Variants in SGSM2 observed in about 807,000 individuals in gnomAD.
The protein encoded by SGSM2 is small G protein signaling modulator 2.
SGSM2 carries 89 observed loss-of-function variants against 126.6 expected under a neutral mutation model. The ratio of observed to expected loss-of-function variants is 0.70; its 90% CI spans 0.59 to 0.84. SGSM2 has a LOEUF of 0.84. Ranked by LOEUF, SGSM2 falls within the 40% of genes least tolerant of loss-of-function variation. SGSM2 has a pLI of 0.00. For missense variants in SGSM2, 1,404 were observed against 1,416.6 expected (o/e 0.99, Z 0.14); for synonymous variants, 614 against 574.3 (o/e 1.07, Z -0.99).
chr17:2,380,346 GGAATCCCAGGGTGACTCTGTCGGGGAA>G lies in SGSM2; in HGVS notation c.*833_*859del. The G allele has an allele frequency of 6.6e-7, 1 of 1,517,272 alleles. No individual in the cohort carries two copies. The highest frequency in any genetic ancestry group is 8.8e-7 in the Non-Finnish European group (1 of 1,130,112). The allele number at this position is 1,517,272 out of a possible 1,614,324, so 94.0% of individuals were successfully genotyped here. ...AATGCGACCGGAGCACTTGCTCTGA[GGAATCCCAGGGTGACTCTGTCGGGGAA>G]GAATCCGGTCACAGCCTCCCCTCAG... On this transcript the variant is annotated 3_prime_UTR_variant, in exon 24 of 24. Transcript: ENST00000268989.
chr17:2,376,644 G>A (rs748769627), intron 19 of SGSM2, 89 bp from the exon 20 acceptor site: 230 of 1,384,954 alleles, frequency 1.7e-4, no homozygotes, highest in Middle Eastern at 5.6e-4. Context: ...ACTTCTGGGC[G>A]GCAGGTGGCT....
Position 2,372,292 on chromosome 17 carries a change from G to A in SGSM2, c.1642+38G>A, listed in dbSNP as rs1435282003. On this transcript the variant is annotated intron_variant, in intron 14 of 23. Transcript: ENST00000268989. This position sits in a 1 kb window ranked among gnomAD's most constrained non-coding sequence, Gnocchi z 6.0. The stretch of plus-strand genomic sequence containing the variant: ...CGCGCCGGGCTGTGGCGGGCTGGGG[G>A]CGGGCGGCCCTGGGTCCCAGCCTCC... The A allele has an allele frequency of 6.2e-6, 10 of 1,611,036 alleles. No individual in the cohort carries two copies. In the Admixed American group the frequency reaches 1.0e-4, roughly 16 times the overall value.
intron 17 of SGSM2, 44 bp downstream of exon 17, chr17:2,373,557 C>T: frequency 6.5e-7 from 1 of 1,547,324 alleles, no homozygotes; most frequent in Non-Finnish European, 8.7e-7. Flanking sequence ...TCGGGGGCCA[C>T]CCGCGTTTTA....
chr17:2,367,246 G>A lies in SGSM2; in HGVS notation c.1289-25G>A, dbSNP rs374175847. 5.0e-5 allele frequency: 80 copies of A among 1,604,570 alleles called. No homozygotes were observed. The African/African-American group carries it at 1.0e-3, about 20-fold the overall frequency. Reference sequence around the variant, plus strand: ...CCAGGGATGAGGGCCTCATGCCTCTGCCTCTCGCTGTTCTCTTTGAGCAGT... The same window carrying A: ...CCAGGGATGAGGGCCTCATGCCTCTACCTCTCGCTGTTCTCTTTGAGCAGT... On this transcript the variant is annotated intron_variant, in intron 11 of 23. Transcript: ENST00000268989. The surrounding 1 kb of genome is among the most constrained non-coding windows in gnomAD (Gnocchi z 4.0).
intron 11 of SGSM2, 23 bp downstream of exon 11, chr17:2,365,364 C>T (rs1330511505): frequency 1.3e-5 from 19 of 1,517,700 alleles, no homozygotes; most frequent in East Asian, 4.9e-5. Context: ...AGCTTCATCC[C>T]GGGGGAGGAG....
rs536747389 is a variant in SGSM2 at position 2,337,548 on chromosome 17, T to TGCG, written c.-121_-119dup. ...GCGGAGCCGAGCACCGGGCAGTGGC[T>TGCG]GCGGCGGCGGCGGCGGCGGCGGGCC... On this transcript the variant is annotated 5_prime_UTR_variant, in exon 1 of 24. Coordinates refer to ENST00000268989, the MANE Select transcript of SGSM2 (RefSeq NM_014853.3). This position sits in a 1 kb window ranked among gnomAD's most constrained non-coding sequence, Gnocchi z 5.1. The TGCG allele has an allele frequency of 2.2e-3, 628 of 286,694 alleles. 2 individuals carry two copies. The highest frequency in any genetic ancestry group is 0.011 in the African/African-American group (466 of 43,402). 17.8% of individuals were successfully genotyped at this position (286,694 alleles called of 1,614,324 possible).
chr17:2,353,592 G>A (rs2151520865), intron 2 of SGSM2, among the ~76,000 whole-genome samples: 1 of 152,110 alleles, frequency 6.6e-6, no homozygotes, highest in South Asian at 2.1e-4. Flanking sequence ...GTGAAACCCT[G>A]TCTCTACTAA....
At chr17:2,340,514 G>A (rs1271155999) in intron 1 of SGSM2, among the ~76,000 whole-genome samples, 1 of 152,116 alleles carries the variant, frequency 6.6e-6, no homozygotes, top group Non-Finnish European at 1.5e-5. Context: ...ATATGCCACA[G>A]CTACGTATCA....
intron 2 of SGSM2, among the ~76,000 whole-genome samples, chr17:2,350,202 G>A (rs886231469): frequency 1.3e-5 from 2 of 151,948 alleles, no homozygotes; most frequent in African/African-American, 2.4e-5. Context: ...GATTACAGGT[G>A]TGAGCCACTG....
intron 13 of SGSM2, chr17:2,371,683 G>A: frequency 2.1e-6 from 1 of 471,676 alleles, no homozygotes. Context: ...CAGAATGAGA[G>A]AGAACCCAAG....
At position 2,372,038 on chromosome 17, in the gene SGSM2, G is replaced by A; in HGVS notation, c.1578-152G>A. The A allele has an allele frequency of 2.3e-6, 2 of 875,008 alleles. No individual in the cohort carries two copies. Among genetic ancestry groups the A allele is most frequent in the Non-Finnish European group, 3.6e-6 (2 of 556,796 alleles). 54.2% of individuals were successfully genotyped at this position (875,008 alleles called of 1,614,324 possible). ...TGTCCAGGTGGCAGGCAGGGACAGG[G>A]CACCCACTGACGGCTGCTGGGCTGC... On this transcript the variant is annotated intron_variant, in intron 13 of 23. Transcript: ENST00000268989. This position sits in a 1 kb window ranked among gnomAD's most constrained non-coding sequence, Gnocchi z 6.0.
chr17:2,370,228 C>T (rs1320566265), intron 12 of SGSM2, among the ~76,000 whole-genome samples: 1 of 152,244 alleles, frequency 6.6e-6, no homozygotes, highest in Non-Finnish European at 1.5e-5. Context: ...TCTCCACTCT[C>T]TCCCTCCCTC....
At chr17:2,379,314 A>G (rs1032650970) in intron 23 of SGSM2, 111 bp downstream of exon 23, 2 of 1,566,138 alleles carry the variant, frequency 1.3e-6, no homozygotes, top group Non-Finnish European at 1.7e-6. Context: ...CCCTTCCCCA[A>G]AGGCCGGGAT....
chr17:2,371,189 G>A, intron 12 of SGSM2, 73 bp from the exon 13 acceptor site: 1 of 1,483,934 alleles, frequency 6.7e-7, no homozygotes, highest in South Asian at 1.3e-5. Context: ...TGGGCACAGA[G>A]GTGGGCATGG....
intron 1 of SGSM2, among the ~76,000 whole-genome samples, chr17:2,338,036 G>A (rs2064161721): frequency 6.6e-6 from 1 of 152,116 alleles, no homozygotes; most frequent in Non-Finnish European, 1.5e-5. Flanking sequence ...AGGGGTGGCG[G>A]CGATGGCGGG....
At chr17:2,365,100 G>T in intron 10 of SGSM2, 43 bp downstream of exon 10, 2 of 1,602,786 alleles carry the variant, frequency 1.2e-6, no homozygotes, top group Non-Finnish European at 1.7e-6. Context: ...TGTGTGTGGG[G>T]TTCTCTGCCC....
chr17:2,369,397 G>C (rs1367526220), intron 12 of SGSM2, among the ~76,000 whole-genome samples: 1 of 152,144 alleles, frequency 6.6e-6, no homozygotes, highest in Non-Finnish European at 1.5e-5. Context: ...AGTCTTAGGG[G>C]CTGTGGGGTT....
At chr17:2,377,241 T>C (rs1290647627) in intron 21 of SGSM2, 173 bp downstream of exon 21, 1 of 568,204 alleles carries the variant, frequency 1.8e-6, no homozygotes, top group Non-Finnish European at 3.1e-6. Context: ...ATCCCAGCAA[T>C]TTAGGAGGCC....
intron 2 of SGSM2, among the ~76,000 whole-genome samples, chr17:2,343,913 A>C (rs1460713846): frequency 6.6e-6 from 1 of 152,126 alleles, no homozygotes. Context: ...CTGGGTCCCA[A>C]CCCTGGAGTT....
Sources: allele counts gnomAD v4.1 joint callset (sites outside exome capture counted in the v4.1 genomes callset), GRCh38; gene constraint gnomAD v4.1.1; non-coding constraint Gnocchi (gnomAD v3.1); transcripts MANE v1.5; gene names NCBI Gene and HGNC (gene_info 2026-07-23, HGNC 2026-07-21).